Variants in PRKAG2 observed in about 807,000 individuals in gnomAD.
PRKAG2 encodes the protein 5'-AMP-activated protein kinase subunit gamma-2.
In PRKAG2, 26 loss-of-function variants were observed where a neutral mutation model predicts 69.6. The observed-to-expected ratio is 0.37, with a 90% confidence interval of 0.27 to 0.52. The LOEUF (loss-of-function observed/expected upper bound fraction) is 0.52. Among genes scored for constraint, PRKAG2 ranks in the 20% least tolerant of loss-of-function variants. The pLI, the probability that PRKAG2 is intolerant of heterozygous loss-of-function variation, is 0.90. For missense variants in PRKAG2, 557 were observed against 740.0 expected, an observed-to-expected ratio of 0.75 and a Z score of 2.87; for synonymous variants, 293 against 285.0, an observed-to-expected ratio of 1.03 and a Z score of -0.28.
chr7:151,811,209 C>T (rs2078404204), intron 1 of PRKAG2, among the ~76,000 whole-genome samples: 1 of 152,250 alleles, frequency 6.6e-6, no homozygotes, highest in Non-Finnish European at 1.5e-5. Flanking sequence ...TGGGCTCTGC[C>T]AGGACAGGCC....
At chr7:151,815,612 C>T (rs1330469330) in intron 1 of PRKAG2, among the ~76,000 whole-genome samples, 1 of 152,232 alleles carries the variant, frequency 6.6e-6, no homozygotes, top group East Asian at 1.9e-4. Context: ...TGCTTCCCCA[C>T]GTGGCAGTGG....
chr7:151,615,594 C>T (rs76174801), intron 5 of PRKAG2, among the ~76,000 whole-genome samples: 1,902 of 152,128 alleles, frequency 0.013, 28 homozygotes, highest in African/African-American at 0.043. Context: ...AGCTTCTGCA[C>T]GGCAAAATAA....
At chr7:151,740,446 AG>A (rs77372949) in intron 3 of PRKAG2, among the ~76,000 whole-genome samples, 49,257 of 152,060 alleles carry the variant, frequency 0.32, 8,182 homozygotes, top group African/African-American at 0.36. Context: ...CACCAGTCCT[AG>A]GGGGTTCCTG....
chr7:151,608,236 C>T (rs907035114), intron 5 of PRKAG2, among the ~76,000 whole-genome samples: 22 of 152,330 alleles, frequency 1.4e-4, no homozygotes, highest in African/African-American at 5.1e-4. Context: ...TTACTCCAGA[C>T]TTCTGGCCTC....
intron 3 of PRKAG2, among the ~76,000 whole-genome samples, chr7:151,681,572 C>T (rs1833890678): frequency 6.6e-6 from 1 of 152,074 alleles, no homozygotes; most frequent in South Asian, 2.1e-4. Context: ...TAGAGTCTTG[C>T]AGCATCAACA....
chr7:151,647,154 A>G (rs1285335864), intron 4 of PRKAG2, among the ~76,000 whole-genome samples: 1 of 152,242 alleles, frequency 6.6e-6, no homozygotes, highest in African/African-American at 2.4e-5. Flanking sequence ...CAGCCTTCAG[A>G]TGAAGCCATT....
chr7:151,643,838 G>A lies in PRKAG2; in HGVS notation c.685-11700C>T, dbSNP rs148327303. 6.8e-3 allele frequency among the ~76,000 whole-genome samples: 1,041 copies of A among 152,248 alleles called. 16 individuals are homozygous for A. The highest frequency in any genetic ancestry group is 0.024 in the African/African-American group (990 of 41,530). On this transcript the variant is annotated intron_variant, in intron 4 of 15. Transcript: ENST00000287878. ...ACAATAAACGATTTCTATTCCAAGT[G>A]TACAATTTGATGAGCTAGGATGAAA...
At chr7:151,647,197 A>T (rs1827718259) in intron 4 of PRKAG2, among the ~76,000 whole-genome samples, 1 of 152,252 alleles carries the variant, frequency 6.6e-6, no homozygotes, top group African/African-American at 2.4e-5. Context: ...GTCCTAGGTG[A>T]CAGCATTGAG....
intron 1 of PRKAG2, among the ~76,000 whole-genome samples, chr7:151,792,027 C>T (rs1275470495): frequency 1.3e-5 from 2 of 152,198 alleles, no homozygotes; most frequent in African/African-American, 4.8e-5. Flanking sequence ...ACCAGGTCCA[C>T]CTGCTCCTAG....
intron 1 of PRKAG2, among the ~76,000 whole-genome samples, chr7:151,831,458 G>A (rs1438801492): frequency 1.3e-5 from 2 of 152,010 alleles, no homozygotes; most frequent in African/African-American, 2.4e-5. Context: ...ATTTCGTTAC[G>A]TGAAAGAAGT....
rs186787181 is a variant in PRKAG2 at position 151,754,989 on chromosome 7, G to T, written c.466+26163C>A. ...CTCTGGGATGGAAATGAGCATGTTGGATGTACATCAGGGAGTGCTCTTGGG... is the reference window on the plus strand; with the variant it reads ...CTCTGGGATGGAAATGAGCATGTTGTATGTACATCAGGGAGTGCTCTTGGG... On this transcript the variant is annotated intron_variant, in intron 3 of 15. Coordinates refer to ENST00000287878, the MANE Select transcript of PRKAG2 (RefSeq NM_016203.4). 2.6e-3 allele frequency among the ~76,000 whole-genome samples: 390 copies of T among 152,200 alleles called. 1 individual carries two copies. Among genetic ancestry groups the T allele is most frequent in the African/African-American group, 8.7e-3 (361 of 41,524 alleles).
chr7:151,749,114 A>AAG (rs1286883736), intron 3 of PRKAG2, among the ~76,000 whole-genome samples: 1 of 147,094 alleles, frequency 6.8e-6, no homozygotes, highest in Non-Finnish European at 1.5e-5. Context: ...TGCAAAGCAG[A>AAG]AGAGATGCGG....
At position 151,610,445 on chromosome 7, in the gene PRKAG2, G is replaced by A. The variant is rs531366183; in HGVS notation, c.755-14991C>T. Among the ~76,000 whole-genome samples, 9 of 152,028 alleles carry A rather than the reference G, an allele frequency of 5.9e-5. 1 individual carries two copies. The South Asian group carries it at 1.7e-3, about 28-fold the overall frequency. ...TGTAATCCCAGCACTTTGGGAGACC[G>A]AGGCAGGCGGATCACGAGGTCAAAA... On this transcript the variant is annotated intron_variant, in intron 5 of 15. Coordinates refer to ENST00000287878, the MANE Select transcript of PRKAG2 (RefSeq NM_016203.4).
In PRKAG2 at chr7:151,565,823, C is replaced by G. The variant is rs114079815; in HGVS notation, c.1296G>C (p.Thr432=). 2 of 1,612,284 alleles carry G rather than the reference C, an allele frequency of 1.2e-6. No homozygotes were observed. The highest frequency in any genetic ancestry group is 1.7e-5 in the Admixed American group (1 of 59,994). The change falls in exon 12 of 16, where the codon ACG becomes ACC. Residue 432 remains threonine, a synonymous_variant. Transcript: ENST00000287878. ...GATGTATGAAGGCAATGTTGTGGTACGTTCCTATTCCAAGCTCATCCAGGT... is the reference window on the plus strand; with the variant it reads ...GATGTATGAAGGCAATGTTGTGGTAGGTTCCTATTCCAAGCTCATCCAGGT... ...KQNLDELGIG[T]YHNIAFIHPD...
chr7:151,623,262 G>A (rs1196034235), intron 5 of PRKAG2, among the ~76,000 whole-genome samples: 1 of 150,372 alleles, frequency 6.7e-6, no homozygotes, highest in Non-Finnish European at 1.5e-5. Flanking sequence ...TACTTGAGAG[G>A]CTGAGGCAGG....
rs1353111068 is a variant in PRKAG2 at position 151,614,705 on chromosome 7, C to T, written c.754+17364G>A. Among the ~76,000 whole-genome samples, 1 of 152,204 alleles carries T rather than the reference C, an allele frequency of 6.6e-6. No individual in the cohort carries two copies. The highest frequency in any genetic ancestry group is 1.5e-5 in the Non-Finnish European group (1 of 68,030). On this transcript the variant is annotated intron_variant, in intron 5 of 15. Transcript: ENST00000287878. This position sits in a 1 kb window ranked among gnomAD's most constrained non-coding sequence, Gnocchi z 4.4. Reference sequence around the variant, plus strand: ...TGGCCCTAAGCCCACTTTGCCAGGACCGCTCCAGTTCAGCACCATGGAATG... The same window carrying T: ...TGGCCCTAAGCCCACTTTGCCAGGATCGCTCCAGTTCAGCACCATGGAATG...
chr7:151,803,149 G>A lies in PRKAG2; in HGVS notation c.115-16608C>T, dbSNP rs536098386. Among the ~76,000 whole-genome samples, 288 of 151,888 alleles carry A rather than the reference G, an allele frequency of 1.9e-3. 1 individual carries two copies. Among genetic ancestry groups the A allele is most frequent in the Non-Finnish European group, 3.5e-3 (237 of 67,942 alleles). On this transcript the variant is annotated intron_variant, in intron 1 of 15. Transcript: ENST00000287878. ...ATTTTTGTATTTTTAGTAGAGATGG[G>A]GTTTCACCATGTTGGCCAGGTTGGT...
chr7:151,726,272 C>T (rs1357755922), intron 3 of PRKAG2, among the ~76,000 whole-genome samples: 2 of 151,892 alleles, frequency 1.3e-5, no homozygotes, highest in Admixed American at 6.6e-5. Context: ...TGCGCAGAGC[C>T]GGATGGTGGC....
Position 151,638,001 on chromosome 7 carries a change from C to T in PRKAG2, c.685-5863G>A, listed in dbSNP as rs1380008205. Among the ~76,000 whole-genome samples, 1 of 152,150 alleles carries T rather than the reference C, an allele frequency of 6.6e-6. No homozygotes were observed. Among genetic ancestry groups the T allele is most frequent in the Non-Finnish European group, 1.5e-5 (1 of 68,026 alleles). ...CATGCAAGCAAAGGGAAGGGGCGTG[C>T]ACTTGTGACACCGACTCCTCTCTCA... On this transcript the variant is annotated intron_variant, in intron 4 of 15. Coordinates refer to ENST00000287878, the MANE Select transcript of PRKAG2 (RefSeq NM_016203.4). This position sits in a 1 kb window ranked among gnomAD's most constrained non-coding sequence, Gnocchi z 4.3.
Sources: allele counts gnomAD v4.1 joint callset (sites outside exome capture counted in the v4.1 genomes callset), GRCh38; gene constraint gnomAD v4.1.1; non-coding constraint Gnocchi (gnomAD v3.1); transcripts MANE v1.5; gene names NCBI Gene and HGNC (gene_info 2026-07-23, HGNC 2026-07-21).